The following CLYBL variants were observed in gnomAD, a reference collection of about 807,000 sequenced individuals.
The protein encoded by CLYBL is citramalyl-CoA lyase, mitochondrial.
CLYBL carries 31 observed loss-of-function variants against 38.9 expected under a neutral mutation model. The observed-to-expected ratio is 0.80, with a 90% confidence interval of 0.60 to 1.08. CLYBL has a LOEUF of 1.08. Among genes scored for constraint, CLYBL ranks in the 50% least tolerant of loss-of-function variants. The pLI, the probability that CLYBL is intolerant of heterozygous loss-of-function variation, is 0.00. For missense variants in CLYBL, 434 were observed against 411.6 expected (o/e 1.05, Z -0.47); for synonymous variants, 171 against 158.6 (o/e 1.08, Z -0.59).
At chr13:99,737,395 C>A (rs2048685088) in intron 1 of CLYBL, among the ~76,000 whole-genome samples, 1 of 152,200 alleles carries the variant, frequency 6.6e-6, no homozygotes, top group Non-Finnish European at 1.5e-5. Flanking sequence ...ATTGACTTCT[C>A]ACAACAATCC....
chr13:99,726,216 G>A lies in CLYBL; in HGVS notation c.63-46608G>A, dbSNP rs186051895. 4.5e-4 allele frequency: 68 copies of A among 152,110 alleles called. No homozygotes were observed. In the East Asian group the frequency reaches 0.011, roughly 25 times the overall value. The allele number at this position is 152,110 out of a possible 1,614,324, so 9.4% of individuals were successfully genotyped here. A position where few individuals can be genotyped will look rare whatever the true frequency, so the allele number is the denominator to read the frequency against. ...CATTTGTTCTTTCTGGTACTGTTTT[G>A]AGATTAAGAACTCAAAGATGAACTC... On this transcript the variant is annotated intron_variant, in intron 1 of 8. Transcript: ENST00000339105.
At chr13:99,607,312 AG>A (rs1327069721) in intron 1 of CLYBL, among the ~76,000 whole-genome samples, 1 of 152,108 alleles carries the variant, frequency 6.6e-6, no homozygotes, top group Non-Finnish European at 1.5e-5. Context: ...TCAAAAAAAA[AG>A]TGAGAAGATT....
intron 2 of CLYBL, among the ~76,000 whole-genome samples, chr13:99,826,243 G>A (rs2050693769): frequency 6.6e-6 from 1 of 152,174 alleles, no homozygotes. Flanking sequence ...CCTCCATAAG[G>A]TGAGTGGGCT....
At chr13:99,653,371 G>A (rs1459885990) in intron 1 of CLYBL, among the ~76,000 whole-genome samples, 1 of 150,164 alleles carries the variant, frequency 6.7e-6, no homozygotes, top group Non-Finnish European at 1.5e-5. Flanking sequence ...AAGGAGGACC[G>A]GCCAAAAAAA....
chr13:99,812,257 C>T (rs1016601110), intron 2 of CLYBL, among the ~76,000 whole-genome samples: 2 of 152,168 alleles, frequency 1.3e-5, no homozygotes, highest in African/African-American at 4.8e-5. Flanking sequence ...CAAGGGATTG[C>T]ACACTCCTAT....
At chr13:99,901,983 A>T (rs955207847), downstream of CLYBL, among the ~76,000 whole-genome samples, 1 of 152,190 alleles carries the variant, frequency 6.6e-6, no homozygotes, top group African/African-American at 2.4e-5. Flanking sequence ...CAAAGCCAAC[A>T]TTCAGCTTTT....
At chr13:99,736,699 T>G (rs2048673979) in intron 1 of CLYBL, among the ~76,000 whole-genome samples, 1 of 152,142 alleles carries the variant, frequency 6.6e-6, no homozygotes, top group Non-Finnish European at 1.5e-5. Context: ...AGTTTGTCCT[T>G]CTCCCTCCAC....
At chr13:99,726,062 G>T (rs1157244018) in intron 1 of CLYBL, among the ~76,000 whole-genome samples, 1 of 152,130 alleles carries the variant, frequency 6.6e-6, no homozygotes, top group African/African-American at 2.4e-5. Context: ...AACACATTAA[G>T]GCAAGATTTC....
At chr13:99,745,602 C>T (rs543798971) in intron 1 of CLYBL, among the ~76,000 whole-genome samples, 1 of 152,314 alleles carries the variant, frequency 6.6e-6, no homozygotes, top group African/African-American at 2.4e-5. Context: ...AAAGCCTTCA[C>T]GATCACATCC....
intron 7 of CLYBL, among the ~76,000 whole-genome samples, chr13:99,879,550 C>G (rs1227487091): frequency 6.6e-6 from 1 of 152,144 alleles, no homozygotes; most frequent in Non-Finnish European, 1.5e-5. Context: ...TTTAATTTTT[C>G]TAAATTTATT....
At chr13:99,616,167 T>TA (rs1439423663) in intron 1 of CLYBL, among the ~76,000 whole-genome samples, 15 of 103,386 alleles carry the variant, frequency 1.5e-4, no homozygotes, top group Non-Finnish European at 1.7e-4. Context: ...TTTTTTTTTT[T>TA]AAGACTGGTG....
At chr13:99,904,045 T>TA (rs57462379) in intron 8 of CLYBL, among the ~76,000 whole-genome samples, 8,352 of 143,612 alleles carry the variant, frequency 0.058, 270 homozygotes, top group African/African-American at 0.092. Context: ...ACCCCTCTCT[T>TA]AAAAAAAAAA....
chr13:99,872,162 C>A (rs1288347408), intron 7 of CLYBL, among the ~76,000 whole-genome samples: 1 of 152,116 alleles, frequency 6.6e-6, no homozygotes, highest in East Asian at 1.9e-4. Flanking sequence ...CTAAGGATGT[C>A]CACATTCAAC....
At chr13:99,654,913 G>A (rs1019094073) in intron 1 of CLYBL, among the ~76,000 whole-genome samples, 4 of 151,894 alleles carry the variant, frequency 2.6e-5, no homozygotes, top group African/African-American at 9.7e-5. Flanking sequence ...GCTGAGGCAG[G>A]AGAATTGCTT....
chr13:99,755,791 T>C (rs1290948314), intron 1 of CLYBL, among the ~76,000 whole-genome samples: 1 of 152,166 alleles, frequency 6.6e-6, no homozygotes, highest in Non-Finnish European at 1.5e-5. Context: ...CTCTAGTCAC[T>C]GTCACTGTCC....
At chr13:99,612,432 G>A (rs1438494898) in intron 1 of CLYBL, among the ~76,000 whole-genome samples, 1 of 130,512 alleles carries the variant, frequency 7.7e-6, no homozygotes, top group African/African-American at 2.9e-5. Context: ...CTGTCACCCA[G>A]GCTGGAGTGC....
At chr13:99,859,219 C>T (rs577821217) in intron 3 of CLYBL, among the ~76,000 whole-genome samples, 170 bp downstream of exon 3, 3 of 152,216 alleles carry the variant, frequency 2.0e-5, no homozygotes, top group South Asian at 2.1e-4. Flanking sequence ...AAGGAAAACT[C>T]GCCTTTGCCC....
At chr13:99,824,257 G>GCCCCCCCCCCCCCCCCCCCCCCC (rs57450534) in intron 2 of CLYBL, among the ~76,000 whole-genome samples, 1 of 130,412 alleles carries the variant, frequency 7.7e-6, no homozygotes, top group Non-Finnish European at 1.6e-5. Flanking sequence ...CTGACTAATA[G>GCCCCCCCCCCCCCCCCCCCCCCC]CCCCCCCCAC....
At chr13:99,646,571 T>G (rs2047179672) in intron 1 of CLYBL, among the ~76,000 whole-genome samples, 1 of 145,926 alleles carries the variant, frequency 6.9e-6, no homozygotes, top group Non-Finnish European at 1.5e-5. Flanking sequence ...TGGAGTGCAG[T>G]GGCGTGATCT....
Sources: gnomAD v4.1 joint callset for allele counts (sites outside exome capture counted in the v4.1 genomes callset) on GRCh38, gnomAD v4.1.1 for gene constraint, MANE v1.5 for transcripts, NCBI Gene and HGNC (gene_info 2026-07-23, HGNC 2026-07-21) for gene names.